Variants in SLC9A2 observed in about 807,000 individuals in gnomAD.
The protein encoded by SLC9A2 is sodium/hydrogen exchanger 2.
A neutral mutation model predicts 71.7 loss-of-function variants in SLC9A2; 42 were observed. That is an observed-to-expected ratio of 0.59 (90% CI 0.46 to 0.76). The LOEUF (loss-of-function observed/expected upper bound fraction) is 0.76, where lower values mean the gene tolerates loss of function less well. Ranked by LOEUF, SLC9A2 falls within the 30% of genes least tolerant of loss-of-function variation. The probability of loss-of-function intolerance (pLI) is 0.00; values close to 1 mark genes in which losing one functional copy is unlikely to be tolerated. For synonymous variants in SLC9A2, 396 were observed against 392.5 expected, an observed-to-expected ratio of 1.01 and a Z score of -0.10; for missense variants, 829 against 1,017.4, an observed-to-expected ratio of 0.81 and a Z score of 2.52.
At chr2:102,706,941 A>G (rs1325282993) in intron 11 of SLC9A2, among the ~76,000 whole-genome samples, 1 of 152,228 alleles carries the variant, frequency 6.6e-6, no homozygotes, top group South Asian at 2.1e-4. Flanking sequence ...GAAGAACTAT[A>G]TTAGGATTTC....
intron 5 of SLC9A2, among the ~76,000 whole-genome samples, chr2:102,688,453 T>C (rs4851023): frequency 0.6 from 91,187 of 152,086 alleles, 27,890 homozygotes; most frequent in East Asian, 0.85. Context: ...AACGAGGCCA[T>C]GTGCAGTGGC....
At chr2:102,704,745 G>C in intron 10 of SLC9A2, 70 bp downstream of exon 10, 1 of 1,521,356 alleles carries the variant, frequency 6.6e-7, no homozygotes, top group Admixed American at 1.7e-5. Context: ...ATCAGCTGAT[G>C]GTATCATCAG....
intron 6 of SLC9A2, 108 bp downstream of exon 6, chr2:102,694,611 A>G: frequency 4.1e-6 from 2 of 493,476 alleles, no homozygotes. Flanking sequence ...AGGGAATGGC[A>G]GGGTGAGAGG....
At chr2:102,689,016 C>G (rs1677609347) in intron 5 of SLC9A2, among the ~76,000 whole-genome samples, 1 of 152,136 alleles carries the variant, frequency 6.6e-6, no homozygotes, top group South Asian at 2.1e-4. Context: ...AACTGCGAAG[C>G]ATCTGGGGTT....
At chr2:102,676,137 G>T (rs1677341904) in intron 3 of SLC9A2, among the ~76,000 whole-genome samples, 1 of 152,208 alleles carries the variant, frequency 6.6e-6, no homozygotes, top group Admixed American at 6.5e-5. Context: ...AGTATTCTGT[G>T]TATGTGTCTG....
intron 3 of SLC9A2, among the ~76,000 whole-genome samples, chr2:102,672,423 T>C (rs1319317643): frequency 6.6e-6 from 1 of 152,074 alleles, no homozygotes; most frequent in East Asian, 1.9e-4. Context: ...TGGTGACATA[T>C]GTTTTACTCC....
chr2:102,684,989 C>T lies in SLC9A2; in HGVS notation c.1425+653C>T, dbSNP rs560062398. ...GGGGTTGGTAGCACTAAACAAGAAA[C>T]ACAAGTAAATCATAGAGCATGTTAG... On this transcript the variant is annotated intron_variant, in intron 5 of 11. Transcript: ENST00000233969. Among the ~76,000 whole-genome samples the T allele has an allele frequency of 2.6e-5, 4 of 152,198 alleles. No individual in the cohort carries two copies. The East Asian group carries it at 7.7e-4, about 29-fold the overall frequency.
chr2:102,681,519 G>C (rs1412302207), intron 3 of SLC9A2, among the ~76,000 whole-genome samples: 1 of 152,174 alleles, frequency 6.6e-6, no homozygotes, highest in Non-Finnish European at 1.5e-5. Context: ...TCATAAACTT[G>C]TTATAAGGTT....
At position 102,657,552 on chromosome 2, in the gene SLC9A2, T is replaced by G; in HGVS notation, c.290-12T>G. 6.4e-7 allele frequency: 1 copy of G among 1,566,834 alleles called. No individual in the cohort carries two copies. Among genetic ancestry groups the G allele is most frequent in the Non-Finnish European group, 8.6e-7 (1 of 1,156,160 alleles). On this transcript the variant is annotated splice_polypyrimidine_tract_variant and intron_variant, in intron 1 of 11. Transcript: ENST00000233969. ...TAACCCAAGTTGTGTGTTTTTATTT[T>G]TTCCTTACCAGGCTTCCATCTGTAT...
intron 1 of SLC9A2, among the ~76,000 whole-genome samples, chr2:102,631,266 C>CT (rs949846762): frequency 6.6e-6 from 1 of 151,652 alleles, no homozygotes; most frequent in African/African-American, 2.4e-5. Flanking sequence ...CTTTTCCTTC[C>CT]TTTTTTTCTT....
At chr2:102,654,419 A>G (rs909609657) in intron 1 of SLC9A2, among the ~76,000 whole-genome samples, 1 of 152,148 alleles carries the variant, frequency 6.6e-6, no homozygotes, top group Non-Finnish European at 1.5e-5. Flanking sequence ...CCCACAAATT[A>G]TTGGAGCCTT....
At chr2:102,687,562 C>T (rs917079069) in intron 5 of SLC9A2, among the ~76,000 whole-genome samples, 5 of 152,080 alleles carry the variant, frequency 3.3e-5, no homozygotes, top group Admixed American at 2.6e-4. Flanking sequence ...TTTTTCTCCC[C>T]TTATTTCAAT....
At position 102,702,394 on chromosome 2, in the gene SLC9A2, A is replaced by C. The variant is rs1287237710; in HGVS notation, c.1749-12A>C. On this transcript the variant is annotated splice_polypyrimidine_tract_variant and intron_variant, in intron 8 of 11. Coordinates refer to ENST00000233969, the MANE Select transcript of SLC9A2 (RefSeq NM_003048.6). ...TTGAAAGGTAAAATATTCTTTTTCT[A>C]AACTTTCACAGTGATTGTCGTGAAG... 4 of 1,463,242 alleles carry C rather than the reference A, an allele frequency of 2.7e-6. No individual in the cohort carries two copies. The highest frequency in any genetic ancestry group is 2.0e-5 in the Admixed American group (1 of 50,866). 90.6% of individuals were successfully genotyped at this position (1,463,242 alleles called of 1,614,324 possible).
At chr2:102,638,005 A>G (rs1676501812) in intron 1 of SLC9A2, among the ~76,000 whole-genome samples, 1 of 152,334 alleles carries the variant, frequency 6.6e-6, no homozygotes. Flanking sequence ...AGAAATTGGC[A>G]TAAGATGGGT....
Position 102,657,549 on chromosome 2 carries a change from T to C in SLC9A2, c.290-15T>C. ...CCATAACCCAAGTTGTGTGTTTTTA[T>C]TTTTTCCTTACCAGGCTTCCATCTG... On this transcript the variant is annotated splice_polypyrimidine_tract_variant and intron_variant, in intron 1 of 11. Coordinates refer to ENST00000233969, the MANE Select transcript of SLC9A2 (RefSeq NM_003048.6). 1 of 1,561,822 alleles carries C rather than the reference T, an allele frequency of 6.4e-7. No homozygotes were observed. The highest frequency in any genetic ancestry group is 2.2e-5 in the East Asian group (1 of 44,480).
intron 3 of SLC9A2, among the ~76,000 whole-genome samples, chr2:102,667,942 G>C (rs1677173416): frequency 6.6e-6 from 1 of 152,006 alleles, no homozygotes; most frequent in Non-Finnish European, 1.5e-5. Flanking sequence ...CGGCATGGTG[G>C]TGCATGTCTG....
intron 5 of SLC9A2, among the ~76,000 whole-genome samples, chr2:102,693,312 C>T (rs558948049): frequency 1.2e-4 from 18 of 152,302 alleles, no homozygotes; most frequent in Admixed American, 4.6e-4. Flanking sequence ...ACATCTAGCT[C>T]TTCATCTGTC....
intron 3 of SLC9A2, among the ~76,000 whole-genome samples, chr2:102,670,315 C>T (rs796069668): frequency 3.3e-5 from 5 of 152,054 alleles, no homozygotes; most frequent in African/African-American, 9.6e-5. Context: ...CACGCCCGGC[C>T]GTGCCCAGTA....
At chr2:102,641,638 T>A (rs1676583681) in intron 1 of SLC9A2, among the ~76,000 whole-genome samples, 1 of 152,018 alleles carries the variant, frequency 6.6e-6, no homozygotes, top group Admixed American at 6.6e-5. Flanking sequence ...TCCTGCTCCG[T>A]AACAAGCATG....
Sources: gnomAD v4.1 joint callset for allele counts (sites outside exome capture counted in the v4.1 genomes callset) on GRCh38, gnomAD v4.1.1 for gene constraint, MANE v1.5 for transcripts, NCBI Gene and HGNC (gene_info 2026-07-23, HGNC 2026-07-21) for gene names.